The following SMC4 variants were observed in gnomAD, a reference collection of about 807,000 sequenced individuals.
SMC4 encodes the protein structural maintenance of chromosomes 4.
Under a neutral mutation model 145.6 loss-of-function variants are expected in SMC4, and 87 were observed. The ratio of observed to expected loss-of-function variants is 0.60; its 90% CI spans 0.50 to 0.71. The LOEUF is 0.71. SMC4 is among the 30% of genes least tolerant of loss of function. The pLI, the probability that SMC4 is intolerant of heterozygous loss-of-function variation, is 0.00. For missense variants in SMC4, 1,447 were observed against 1,537.1 expected (o/e 0.94, Z 0.98); for synonymous variants, 558 against 500.7 (o/e 1.11, Z -1.53).
At chr3:160,421,192 G>A (rs1045745941) in intron 13 of SMC4, among the ~76,000 whole-genome samples, 1 of 151,822 alleles carries the variant, frequency 6.6e-6, no homozygotes, top group Non-Finnish European at 1.5e-5. Flanking sequence ...GCCTCCCAGA[G>A]TGCTGGGATT....
intron 17 of SMC4, among the ~76,000 whole-genome samples, chr3:160,428,543 C>T (rs1041513865): frequency 2.6e-5 from 4 of 151,170 alleles, no homozygotes; most frequent in African/African-American, 2.4e-5. Context: ...TGTTTACAGC[C>T]GAGCTAGTGT....
chr3:160,425,626 G>A (rs1717712644), intron 16 of SMC4, among the ~76,000 whole-genome samples: 1 of 151,506 alleles, frequency 6.6e-6, no homozygotes, highest in Admixed American at 6.6e-5. Flanking sequence ...TTTGTATTAT[G>A]TACATGGCTA....
At chr3:160,430,784 T>C (rs370530492) in intron 19 of SMC4, 41 bp downstream of exon 19, 23 of 1,573,666 alleles carry the variant, frequency 1.5e-5, no homozygotes, top group African/African-American at 2.7e-5. Flanking sequence ...GGGATGATAC[T>C]GGAACCAATT....
chr3:160,423,597 A>AAGATGGAGATATGG lies in SMC4; in HGVS notation c.2196_2197insGGAGATATGGAGAT (p.Arg733GlyfsTer11), dbSNP rs1471499150. The AAGATGGAGATATGG allele has an allele frequency of 1.9e-6, 3 of 1,613,786 alleles. No homozygotes were observed. The highest frequency in any genetic ancestry group is 2.5e-6 in the Non-Finnish European group (3 of 1,179,762). On this transcript the variant is annotated frameshift_variant, in exon 14 of 24. Coordinates refer to ENST00000357388, the MANE Select transcript of SMC4 (RefSeq NM_001002800.3). LOFTEE classifies it high-confidence loss of function. ...CAAGCCACAAGAGTAGCATATCAAA[A>AAGATGGAGATATGG]AGATAGAAGATGGAGAGTGGTAACT... is the stretch of plus-strand genomic sequence containing the variant.
rs1716640730 is a variant in SMC4 at position 160,416,786 on chromosome 3, TA to T, written c.1437+373del. 1.3e-5 allele frequency among the ~76,000 whole-genome samples: 2 copies of T among 152,166 alleles called. 1 individual carries two copies. Among genetic ancestry groups the T allele is most frequent in the Non-Finnish European group, 2.9e-5 (2 of 68,004 alleles). On this transcript the variant is annotated intron_variant, in intron 10 of 23. Transcript: ENST00000357388. The stretch of plus-strand genomic sequence containing the variant: ...TGTTTTTGCTTCTATAGCTCTTGTG[TA>T]ATAGTTAAAAGCTGTGGCTCTTGTT...
chr3:160,413,600 A>G lies in SMC4; in HGVS notation c.1108A>G (p.Lys370Glu). ...NEMKAKNKDV[K>E]DTEKKLNKIT... ...AATGAAAGCTAAGAATAAAGATGTA[A>G]AAGATACAGAAAAGTAATAATATTT... Residue 370 changes from lysine to glutamate, a missense_variant, in exon 8 of 24, where the codon AAA (lysine) becomes GAA (glutamate). Lys to Glu is a moderately conservative substitution (Grantham distance 56). Transcript: ENST00000357388. 1 of 1,393,246 alleles carries G rather than the reference A, an allele frequency of 7.2e-7. No homozygotes were observed. The highest frequency in any genetic ancestry group is 9.9e-7 in the Non-Finnish European group (1 of 1,010,232). The allele number at this position is 1,393,246 out of a possible 1,614,324, so 86.3% of individuals were successfully genotyped here.
intron 23 of SMC4, 70 bp downstream of exon 23, chr3:160,433,279 C>A: frequency 9.3e-7 from 1 of 1,074,784 alleles, no homozygotes; most frequent in South Asian, 1.6e-5. Flanking sequence ...ACATGGAATT[C>A]TTTATTTCTT....
chr3:160,416,469 T>TTAA lies in SMC4; in HGVS notation c.1437+55_1437+57dup, dbSNP rs914386964. On this transcript the variant is annotated intron_variant, in intron 10 of 23. Coordinates refer to ENST00000357388, the MANE Select transcript of SMC4 (RefSeq NM_001002800.3). ...TTTTGGTGGCTTTTTTTTTTTTAAC[T>TTAA]TAAAGATTATTTTTTCAAAAATACT... 1.9e-4 allele frequency: 218 copies of TTAA among 1,147,254 alleles called. 1 individual carries two copies. Among genetic ancestry groups the TTAA allele is most frequent in the Middle Eastern group, 6.5e-4 (2 of 3,066 alleles). 71.1% of individuals were successfully genotyped at this position (1,147,254 alleles called of 1,614,324 possible). A position where few individuals can be genotyped will look rare whatever the true frequency, so the allele number is the denominator to read the frequency against.
intron 5 of SMC4, among the ~76,000 whole-genome samples, chr3:160,405,806 T>TA (rs1251585150): frequency 2.0e-5 from 3 of 152,168 alleles, no homozygotes; most frequent in East Asian, 3.9e-4. Context: ...TTTATTGACT[T>TA]ACATATTCTG....
At chr3:160,410,525 T>C (rs908089506) in intron 5 of SMC4, among the ~76,000 whole-genome samples, 1 of 152,228 alleles carries the variant, frequency 6.6e-6, no homozygotes, top group Non-Finnish European at 1.5e-5. Context: ...TATATAAATA[T>C]CTACATATTT....
At position 160,428,962 on chromosome 3, in the gene SMC4, C is replaced by T. The variant is rs749475239; in HGVS notation, c.2795+20C>T. 4 of 1,543,776 alleles carry T rather than the reference C, an allele frequency of 2.6e-6. No homozygotes were observed. In the African/African-American group the frequency reaches 4.2e-5, roughly 16 times the overall value. ...TGACAGGTAGAGTATGCATGTTACC[C>T]TAACTTGTTTTCCCTTTCCCTGCCT... On this transcript the variant is annotated intron_variant, in intron 18 of 23. Coordinates refer to ENST00000357388, the MANE Select transcript of SMC4 (RefSeq NM_001002800.3).
chr3:160,418,426 AT>A (rs1716812363), intron 11 of SMC4, among the ~76,000 whole-genome samples: 1 of 152,188 alleles, frequency 6.6e-6, no homozygotes, highest in African/African-American at 2.4e-5. Flanking sequence ...CCTTGAGTGA[AT>A]TAGATGTCTA....
At chr3:160,403,290 G>T (rs932305780) in intron 4 of SMC4, among the ~76,000 whole-genome samples, 1 of 152,136 alleles carries the variant, frequency 6.6e-6, no homozygotes, top group Non-Finnish European at 1.5e-5. Flanking sequence ...TGGCCCCTGA[G>T]TATCTGTGAT....
At chr3:160,404,687 C>G (rs1715116013) in intron 5 of SMC4, 183 bp downstream of exon 5, 2 of 750,092 alleles carry the variant, frequency 2.7e-6, no homozygotes. Context: ...GAAATTCATT[C>G]AAAACTATGT....
At chr3:160,413,241 C>T (rs966811730) in intron 7 of SMC4, among the ~76,000 whole-genome samples, 1 of 152,012 alleles carries the variant, frequency 6.6e-6, no homozygotes, top group Non-Finnish European at 1.5e-5. Flanking sequence ...GCCTCAGCCT[C>T]CTAAAGTGCT....
rs762031306 is a variant in SMC4, at chr3:160,400,788, G to A, written c.-5-34G>A. 72 of 1,469,278 alleles carry A rather than the reference G, an allele frequency of 4.9e-5. No individual in the cohort carries two copies. The Middle Eastern group carries it at 7.4e-4, about 15-fold the overall frequency. 91.0% of individuals were successfully genotyped at this position (1,469,278 alleles called of 1,614,324 possible). ...GGCGGGCGCGGTGTAGCGGCCCGCG[G>A]GCTGACTTGCTCCCGGCTGTCCCCC... On this transcript the variant is annotated intron_variant, in intron 1 of 23. Coordinates refer to ENST00000357388, the MANE Select transcript of SMC4 (RefSeq NM_001002800.3).
At position 160,419,614 on chromosome 3, in the gene SMC4, TGAC is replaced by T. The variant is rs533290776; in HGVS notation, c.1857+72_1857+74del. ...GAAAGTGTAACTTATTTTTTTGCCT[TGAC>T]AACCATATTTCAAGTGTCACTGTAT... On this transcript the variant is annotated intron_variant, in intron 12 of 23. Coordinates refer to ENST00000357388, the MANE Select transcript of SMC4 (RefSeq NM_001002800.3). The T allele has an allele frequency of 4.2e-3, 5,878 of 1,392,616 alleles. 43 individuals are homozygous for T. The highest frequency in any genetic ancestry group is 0.018 in the South Asian group (1,364 of 75,854). 86.3% of individuals were successfully genotyped at this position (1,392,616 alleles called of 1,614,324 possible).
Position 160,416,277 on chromosome 3 carries a change from C to A in SMC4, c.1299C>A (p.Ala433=). The part of the protein sequence containing the change: ...EKVEEFKSIP[A]KSNNIINETT... ...TTGAAGAATTTAAAAGTATACCTGC[C>A]AAGAGTAACAATATCATTAATGAAA... is the stretch of plus-strand genomic sequence containing the variant. Residue 433 remains alanine (A), a synonymous_variant, in exon 10 of 24, where the codon GCC becomes GCA. Transcript: ENST00000357388. 1.3e-6 allele frequency: 2 copies of A among 1,591,674 alleles called. No homozygotes were observed. Among genetic ancestry groups the A allele is most frequent in the Non-Finnish European group, 1.7e-6 (2 of 1,171,132 alleles).
chr3:160,415,009 C>T (rs1047534483), intron 9 of SMC4, among the ~76,000 whole-genome samples: 15 of 152,066 alleles, frequency 9.9e-5, no homozygotes, highest in Admixed American at 7.9e-4. Flanking sequence ...TTAGGTATTA[C>T]AGACTTAAAA....
Sources: gnomAD v4.1 joint callset for allele counts (sites outside exome capture counted in the v4.1 genomes callset) on GRCh38, gnomAD v4.1.1 for gene constraint, MANE v1.5 for transcripts, NCBI Gene and HGNC (gene_info 2026-07-23, HGNC 2026-07-21) for gene names.